The following WDR70 variants were observed in gnomAD, a reference collection of about 807,000 sequenced individuals.
WDR70 encodes the protein WD repeat-containing protein 70.
WDR70 carries 53 observed loss-of-function variants against 88.6 expected under a neutral mutation model. The observed-to-expected ratio is 0.60, with a 90% CI of 0.48 to 0.75. The LOEUF (loss-of-function observed/expected upper bound fraction) is 0.75, where lower values mean the gene tolerates loss of function less well. Ranked by LOEUF, WDR70 falls within the 30% of genes least tolerant of loss-of-function variation. WDR70 has a pLI of 0.00. For synonymous variants in WDR70, 280 were observed against 270.0 expected, an observed-to-expected ratio of 1.04 and a Z score of -0.36; for missense variants, 610 against 823.2, an observed-to-expected ratio of 0.74 and a Z score of 3.17.
chr5:37,492,966 A>C (rs909482445), intron 8 of WDR70, among the ~76,000 whole-genome samples: 5 of 152,210 alleles, frequency 3.3e-5, no homozygotes, highest in African/African-American at 1.2e-4. Flanking sequence ...CAAGAAATTA[A>C]GGGCGTGCCT....
chr5:37,582,502 A>G (rs185074358), intron 9 of WDR70, among the ~76,000 whole-genome samples: 17 of 152,354 alleles, frequency 1.1e-4, no homozygotes, highest in Admixed American at 5.2e-4. Flanking sequence ...TATCTTTTAG[A>G]TGTTAAAGTA....
chr5:37,655,116 C>A (rs900673014), intron 10 of WDR70, among the ~76,000 whole-genome samples: 2 of 152,126 alleles, frequency 1.3e-5, no homozygotes, highest in Non-Finnish European at 2.9e-5. Context: ...ATTCTTCCTT[C>A]AGGATCTCTT....
chr5:37,748,442 T>A (rs1428783245), intron 17 of WDR70, among the ~76,000 whole-genome samples: 1 of 152,118 alleles, frequency 6.6e-6, no homozygotes, highest in Non-Finnish European at 1.5e-5. Flanking sequence ...CCCTTCCTTA[T>A]ACCTTATACA....
chr5:37,585,170 T>A (rs1392215562), intron 9 of WDR70, among the ~76,000 whole-genome samples: 1 of 151,928 alleles, frequency 6.6e-6, no homozygotes, highest in Non-Finnish European at 1.5e-5. Flanking sequence ...TTTTGCATTT[T>A]TAGTAGAGAC....
intron 8 of WDR70, 75 bp downstream of exon 8, chr5:37,480,062 A>G: frequency 6.6e-7 from 1 of 1,518,010 alleles, no homozygotes; most frequent in Admixed American, 2.1e-5. Context: ...TTATCATGTA[A>G]TAATTTTCCC....
chr5:37,402,249 C>A (rs1457769056), intron 5 of WDR70, among the ~76,000 whole-genome samples: 1 of 150,580 alleles, frequency 6.6e-6, no homozygotes, highest in Non-Finnish European at 1.5e-5. Flanking sequence ...TTTGTTACTG[C>A]ATGTGACATG....
chr5:37,476,170 T>C (rs1490247345), intron 7 of WDR70, among the ~76,000 whole-genome samples: 1 of 152,166 alleles, frequency 6.6e-6, no homozygotes, highest in Non-Finnish European at 1.5e-5. Context: ...TTTAATACTA[T>C]GTTTTCTCTT....
At chr5:37,453,417 G>A (rs926444394) in intron 7 of WDR70, among the ~76,000 whole-genome samples, 1 of 152,268 alleles carries the variant, frequency 6.6e-6, no homozygotes, top group African/African-American at 2.4e-5. Flanking sequence ...AAAGGGATGG[G>A]TTGGGCTAGT....
rs1748397123 is a variant in WDR70, at chr5:37,380,634, G to A, written c.92-968G>A. Among the ~76,000 whole-genome samples, 4 of 151,490 alleles carry A rather than the reference G, an allele frequency of 2.6e-5. No individual in the cohort carries two copies. The South Asian group carries it at 8.3e-4, about 32-fold the overall frequency. ...TGGGATTACAGGCGTGAGCCACTGT[G>A]CCCAGCCTTTTCTATTCTTTTTTTA... On this transcript the variant is annotated intron_variant, in intron 2 of 17. Transcript: ENST00000265107.
chr5:37,634,191 C>T (rs1384057202), intron 10 of WDR70, among the ~76,000 whole-genome samples: 5 of 151,268 alleles, frequency 3.3e-5, no homozygotes, highest in South Asian at 2.1e-4. Flanking sequence ...CCCAGCTACT[C>T]GGGAGGCTGA....
In WDR70 at chr5:37,741,847, C is replaced by T. The variant is rs373132377; in HGVS notation, c.1878-10639C>T. Among the ~76,000 whole-genome samples, 52 of 152,262 alleles carry T rather than the reference C, an allele frequency of 3.4e-4. No individual in the cohort carries two copies. In the South Asian group the frequency reaches 9.7e-3, roughly 29 times the overall value. ...GACTACTGTAGGTACCTCATATAAG[C>T]GGAATCAAACAGTTTTTGTCTTTCT... On this transcript the variant is annotated intron_variant, in intron 17 of 17. Coordinates refer to ENST00000265107, the MANE Select transcript of WDR70 (RefSeq NM_018034.4).
chr5:37,681,676 A>G (rs1430765716), intron 10 of WDR70, among the ~76,000 whole-genome samples: 1 of 152,164 alleles, frequency 6.6e-6, no homozygotes, highest in Non-Finnish European at 1.5e-5. Context: ...TTTTGCATCT[A>G]TTGAGATAAT....
intron 5 of WDR70, among the ~76,000 whole-genome samples, chr5:37,431,521 C>T (rs1750302663): frequency 6.6e-6 from 1 of 152,156 alleles, no homozygotes; most frequent in African/African-American, 2.4e-5. Flanking sequence ...AGCCTCCACA[C>T]CACAGCCTTG....
At chr5:37,734,834 G>T (rs1040105988) in intron 17 of WDR70, among the ~76,000 whole-genome samples, 1 of 151,910 alleles carries the variant, frequency 6.6e-6, no homozygotes, top group African/African-American at 2.4e-5. Context: ...TTTCTACTTC[G>T]ATCTATGAAT....
intron 10 of WDR70, among the ~76,000 whole-genome samples, chr5:37,666,229 A>T (rs1017697027): frequency 6.6e-6 from 1 of 152,194 alleles, no homozygotes; most frequent in Non-Finnish European, 1.5e-5. Context: ...TTGTGTTCAC[A>T]CTTGTGTTTC....
At chr5:37,506,851 C>A (rs1487645794) in intron 8 of WDR70, 5 of 1,238,514 alleles carry the variant, frequency 4.0e-6, no homozygotes, top group Middle Eastern at 2.7e-4. Flanking sequence ...CAGGGTCACC[C>A]GCCTCATTGC....
intron 5 of WDR70, among the ~76,000 whole-genome samples, chr5:37,400,159 C>T (rs1481639321): frequency 2.6e-5 from 4 of 152,140 alleles, no homozygotes; most frequent in Admixed American, 2.0e-4. Flanking sequence ...GTCTTGCATT[C>T]CTAACCTCAG....
intron 9 of WDR70, among the ~76,000 whole-genome samples, chr5:37,578,181 T>A (rs1334650228): frequency 6.6e-6 from 1 of 151,832 alleles, no homozygotes; most frequent in African/African-American, 2.4e-5. Context: ...GTGAAAGAAG[T>A]TTTGGTAGAG....
chr5:37,541,371 C>T (rs1399040411), intron 9 of WDR70, among the ~76,000 whole-genome samples: 1 of 152,086 alleles, frequency 6.6e-6, no homozygotes, highest in African/African-American at 2.4e-5. Context: ...GACAGGGAGG[C>T]ACTCTGAAGA....
Sources: gnomAD v4.1 joint callset for allele counts (sites outside exome capture counted in the v4.1 genomes callset) on GRCh38, gnomAD v4.1.1 for gene constraint, MANE v1.5 for transcripts, NCBI Gene and HGNC (gene_info 2026-07-23, HGNC 2026-07-21) for gene names.